The following NTM variants were observed in gnomAD, a reference collection of about 807,000 sequenced individuals.
The protein encoded by NTM is IgLON family member 2.
A neutral mutation model predicts 42.1 loss-of-function variants in NTM; 13 were observed. The observed-to-expected ratio is 0.31, with a 90% confidence interval of 0.20 to 0.49. NTM has a LOEUF of 0.49. NTM is among the 20% of genes least tolerant of loss of function. NTM has a pLI of 0.99. For synonymous variants in NTM, 187 were observed against 179.2 expected, an observed-to-expected ratio of 1.04 and a Z score of -0.35; for missense variants, 373 against 452.8, an observed-to-expected ratio of 0.82 and a Z score of 1.60.
chr11:131,633,766 CCTCT>C (rs1238243158), intron 1 of NTM, among the ~76,000 whole-genome samples: 12 of 40,032 alleles, frequency 3.0e-4, no homozygotes, highest in East Asian at 1.8e-3. Context: ...CCTCTCTCTC[CCTCT>C]CTCTCTCTCT....
chr11:131,989,717 GCACACACACA>G (rs57222149), intron 2 of NTM, among the ~76,000 whole-genome samples: 1 of 149,332 alleles, frequency 6.7e-6, no homozygotes, highest in African/African-American at 2.5e-5. Flanking sequence ...TTAGATACAT[GCACACACACA>G]CACACACACA....
Position 132,310,097 on chromosome 11 carries a change from ATCT to A in NTM, c.662-10_662-8del. 2 of 1,568,478 alleles carry A rather than the reference ATCT, an allele frequency of 1.3e-6. No homozygotes were observed. Among genetic ancestry groups the A allele is most frequent in the Non-Finnish European group, 1.7e-6 (2 of 1,165,100 alleles). ...AAAGGTGGGGGGGCGGCTATGAGAC[ATCT>A]TCTTTTTGCAGATCCACCATACATT... On this transcript the variant is annotated splice_polypyrimidine_tract_variant and intron_variant, in intron 5 of 8. Coordinates refer to ENST00000683400, the MANE Select transcript of NTM (RefSeq NM_001352005.2).
chr11:131,826,030 G>A (rs893689729), intron 1 of NTM, among the ~76,000 whole-genome samples: 2 of 152,140 alleles, frequency 1.3e-5, no homozygotes, highest in African/African-American at 4.8e-5. Flanking sequence ...CTTGGGGAGA[G>A]GGTAGTATAA....
At chr11:131,842,068 A>AC (rs2044324488) in intron 1 of NTM, among the ~76,000 whole-genome samples, 1 of 152,248 alleles carries the variant, frequency 6.6e-6, no homozygotes, top group African/African-American at 2.4e-5. Flanking sequence ...AACTTGCACC[A>AC]CATGAGCGAG....
At position 131,434,404 on chromosome 11, in the gene NTM, A is replaced by G. The variant is rs1017962695; in HGVS notation, c.82+63516A>G. ...GCTGAACTAATTTACACTCCCACCA[A>G]CAGTGTAAAAGCATTCCTATTTCTC... On this transcript the variant is annotated intron_variant, in intron 1 of 8. Transcript: ENST00000683400. 2.0e-5 allele frequency among the ~76,000 whole-genome samples: 3 copies of G among 152,222 alleles called. No individual in the cohort carries two copies. In the East Asian group the frequency reaches 5.8e-4, roughly 29 times the overall value.
intron 2 of NTM, among the ~76,000 whole-genome samples, chr11:132,033,122 C>T (rs2076123337): frequency 1.3e-5 from 2 of 152,160 alleles, no homozygotes; most frequent in Non-Finnish European, 2.9e-5. Flanking sequence ...TTTCTTTGTG[C>T]CCACTATACA....
intron 4 of NTM, among the ~76,000 whole-genome samples, chr11:132,303,740 G>A (rs2094959994): frequency 6.7e-6 from 1 of 148,238 alleles, no homozygotes. Context: ...AACAATCTGT[G>A]AAGAACAAAT....
intron 1 of NTM, among the ~76,000 whole-genome samples, chr11:131,634,641 G>A (rs368969270): frequency 4.6e-4 from 68 of 147,914 alleles, no homozygotes; most frequent in Non-Finnish European, 3.6e-4. Context: ...CAACCCACTA[G>A]AAAAAAGAAA....
intron 3 of NTM, among the ~76,000 whole-genome samples, chr11:132,203,520 T>A (rs1399664984): frequency 6.6e-6 from 1 of 152,120 alleles, no homozygotes; most frequent in Admixed American, 6.5e-5. Context: ...TCTTTTTTTA[T>A]CAAAAGAGAC....
chr11:131,709,667 A>G (rs1027915467), intron 1 of NTM, among the ~76,000 whole-genome samples: 2 of 152,148 alleles, frequency 1.3e-5, no homozygotes, highest in Admixed American at 1.3e-4. Flanking sequence ...TGTTGACTAG[A>G]CAGTTGCAGC....
chr11:131,410,984 G>A (rs1300686417), intron 1 of NTM, among the ~76,000 whole-genome samples: 1 of 152,152 alleles, frequency 6.6e-6, no homozygotes, highest in Non-Finnish European at 1.5e-5. Flanking sequence ...TGAGCCCTGA[G>A]TTCTATAAAC....
intron 4 of NTM, among the ~76,000 whole-genome samples, chr11:132,296,099 A>C (rs2094599004): frequency 6.6e-6 from 1 of 152,166 alleles, no homozygotes; most frequent in South Asian, 2.1e-4. Context: ...CAATGCTGCC[A>C]AGAGAGATCA....
At chr11:131,653,980 C>T (rs1408708665) in intron 1 of NTM, among the ~76,000 whole-genome samples, 1 of 152,204 alleles carries the variant, frequency 6.6e-6, no homozygotes, top group Admixed American at 6.5e-5. Context: ...CCTTCTTCTC[C>T]ATCAGCAACA....
At chr11:131,989,006 G>T (rs184737177) in intron 2 of NTM, among the ~76,000 whole-genome samples, 1 of 152,190 alleles carries the variant, frequency 6.6e-6, no homozygotes, top group East Asian at 1.9e-4. Flanking sequence ...GCTATAGTGG[G>T]TCCATAACCT....
chr11:132,280,475 CTTTTTTTT>C (rs138697534), intron 4 of NTM, among the ~76,000 whole-genome samples: 1 of 82,432 alleles, frequency 1.2e-5, no homozygotes, highest in East Asian at 5.7e-4. Context: ...ATACTCTCTT[CTTTTTTTT>C]TTTTTTTTTT....
At chr11:132,149,295 A>G (rs369103449) in intron 3 of NTM, among the ~76,000 whole-genome samples, 2 of 151,770 alleles carry the variant, frequency 1.3e-5, no homozygotes, top group African/African-American at 4.8e-5. Flanking sequence ...CCAAACATAA[A>G]CCCTAATTCC....
intron 1 of NTM, among the ~76,000 whole-genome samples, chr11:131,629,095 G>A (rs775434538): frequency 1.2e-4 from 18 of 152,334 alleles, no homozygotes; most frequent in Admixed American, 3.3e-4. Context: ...AGGGAGATTT[G>A]GGACAGTGCC....
intron 1 of NTM, among the ~76,000 whole-genome samples, chr11:131,578,149 T>C (rs933269877): frequency 1.3e-5 from 2 of 152,104 alleles, no homozygotes; most frequent in African/African-American, 4.8e-5. Context: ...GTGCATGACA[T>C]GAAATTGGGA....
chr11:132,225,273 C>T (rs988026609), intron 4 of NTM, among the ~76,000 whole-genome samples: 4 of 151,604 alleles, frequency 2.6e-5, no homozygotes, highest in African/African-American at 9.7e-5. Context: ...AAATATGCAA[C>T]CCAATGCCAG....
Sources: gnomAD v4.1 joint callset for allele counts (sites outside exome capture counted in the v4.1 genomes callset) on GRCh38, gnomAD v4.1.1 for gene constraint, MANE v1.5 for transcripts, NCBI Gene and HGNC (gene_info 2026-07-23, HGNC 2026-07-21) for gene names.